Variants in CDH12 observed in about 807,000 individuals in gnomAD.
The protein encoded by CDH12 is cadherin-12.
A neutral mutation model predicts 74.1 loss-of-function variants in CDH12; 41 were observed. The observed-to-expected ratio is 0.55, with a 90% CI of 0.43 to 0.72. CDH12 has a LOEUF of 0.72. CDH12 is among the 30% of genes least tolerant of loss of function. CDH12 has a pLI of 0.00. For synonymous variants in CDH12, 399 were observed against 355.0 expected, an observed-to-expected ratio of 1.12 and a Z score of -1.39; for missense variants, 945 against 977.2, an observed-to-expected ratio of 0.97 and a Z score of 0.44.
chr5:22,223,789 C>T (rs1020434774), intron 3 of CDH12, among the ~76,000 whole-genome samples: 6 of 151,788 alleles, frequency 4.0e-5, no homozygotes, highest in African/African-American at 7.3e-5. Context: ...AAAGCTGGGC[C>T]GCGAGACAGT....
intron 1 of CDH12, among the ~76,000 whole-genome samples, chr5:22,643,760 T>TTTTTTTTTTTA (rs778124022): frequency 8.6e-6 from 1 of 116,952 alleles, no homozygotes; most frequent in African/African-American, 3.9e-5. Flanking sequence ...TTTTTTTTTT[T>TTTTTTTTTTTA]CCACAAATTG....
At chr5:22,516,962 A>G (rs1477462947) in intron 1 of CDH12, among the ~76,000 whole-genome samples, 3 of 152,184 alleles carry the variant, frequency 2.0e-5, no homozygotes, top group African/African-American at 7.2e-5. Flanking sequence ...TGCGAAAAAC[A>G]ATGCAATACA....
At chr5:22,408,170 A>T (rs1743017671) in intron 2 of CDH12, among the ~76,000 whole-genome samples, 1 of 147,862 alleles carries the variant, frequency 6.8e-6, no homozygotes, top group Non-Finnish European at 1.5e-5. Context: ...ACCTATAGCA[A>T]AATGATGTGT....
At chr5:22,407,267 G>A (rs965877781) in intron 2 of CDH12, among the ~76,000 whole-genome samples, 3 of 151,952 alleles carry the variant, frequency 2.0e-5, no homozygotes, top group Non-Finnish European at 1.5e-5. Context: ...TTAATGAGAG[G>A]CACTACTATA....
chr5:22,408,132 C>A (rs1743015454), intron 2 of CDH12, among the ~76,000 whole-genome samples: 1 of 151,994 alleles, frequency 6.6e-6, no homozygotes, highest in Non-Finnish European at 1.5e-5. Context: ...GGTGGACTAT[C>A]TTTAACAATG....
intron 4 of CDH12, among the ~76,000 whole-genome samples, chr5:22,144,819 T>A (rs1363311173): frequency 2.0e-5 from 3 of 152,164 alleles, no homozygotes; most frequent in Non-Finnish European, 2.9e-5. Flanking sequence ...ATGTATTGAA[T>A]ATTAATTTAA....
At chr5:22,738,063 C>A (rs2127013391) in intron 1 of CDH12, among the ~76,000 whole-genome samples, 1 of 151,852 alleles carries the variant, frequency 6.6e-6, no homozygotes, top group East Asian at 1.9e-4. Flanking sequence ...TGGGTGAGGC[C>A]AAGTGAGAGC....
chr5:21,972,479 A>AG (rs1356118182), intron 6 of CDH12, among the ~76,000 whole-genome samples: 2 of 152,184 alleles, frequency 1.3e-5, no homozygotes, highest in Admixed American at 6.5e-5. Flanking sequence ...ATTATATGAG[A>AG]GAAAAAAAAG....
At chr5:22,009,952 A>AAAAAAAAG (rs1445026203) in intron 5 of CDH12, among the ~76,000 whole-genome samples, 1 of 151,084 alleles carries the variant, frequency 6.6e-6, no homozygotes, top group African/African-American at 2.4e-5. Flanking sequence ...AAAAAAAAAA[A>AAAAAAAAG]AAAAAAAGAA....
intron 11 of CDH12, among the ~76,000 whole-genome samples, chr5:21,765,908 A>C (rs767499285): frequency 5.9e-5 from 9 of 152,040 alleles, no homozygotes; most frequent in Non-Finnish European, 1.3e-4. Context: ...TTACCTTATG[A>C]AGTGTTGCAG....
chr5:22,747,569 C>T (rs1215385160), intron 1 of CDH12, among the ~76,000 whole-genome samples: 1 of 133,744 alleles, frequency 7.5e-6, no homozygotes, highest in African/African-American at 2.9e-5. Flanking sequence ...CTAGATTGCG[C>T]TACTACCCTC....
chr5:22,452,119 AATTAAT>A (rs1430391078), intron 2 of CDH12, among the ~76,000 whole-genome samples: 3 of 152,016 alleles, frequency 2.0e-5, no homozygotes, highest in Non-Finnish European at 2.9e-5. Flanking sequence ...AAACTGGAAG[AATTAAT>A]ATTGTTAAAA....
At chr5:22,483,763 TAA>T (rs1554044173) in intron 2 of CDH12, among the ~76,000 whole-genome samples, 1 of 91,838 alleles carries the variant, frequency 1.1e-5, no homozygotes, top group African/African-American at 4.4e-5. Context: ...TATATATATA[TAA>T]ATTTAATTAA....
chr5:22,102,885 C>T (rs571346483), intron 4 of CDH12, among the ~76,000 whole-genome samples: 15 of 152,162 alleles, frequency 9.9e-5, no homozygotes, highest in African/African-American at 3.6e-4. Flanking sequence ...CAAGAAGATC[C>T]TCATCAGATG....
rs1744046387 is a variant in CDH12, at chr5:21,751,482, AAAC to A, written c.*252_*254del. Reference sequence around the variant, plus strand: ...GTCTCAGTGTGATTGTGAAAAAACAAAACAACAAAACAAAGCAAGTACACATTA... The same window carrying A: ...GTCTCAGTGTGATTGTGAAAAAACAAAACAAAACAAAGCAAGTACACATTA... On this transcript the variant is annotated 3_prime_UTR_variant, in exon 15 of 15. Transcript: ENST00000382254. 7.3e-6 allele frequency: 3 copies of A among 411,214 alleles called. No individual in the cohort carries two copies. The South Asian group carries it at 1.1e-4, about 15-fold the overall frequency. The allele number at this position is 411,214 out of a possible 1,614,324, so 25.5% of individuals were successfully genotyped here.
At chr5:21,863,575 A>C (rs115332316) in intron 6 of CDH12, among the ~76,000 whole-genome samples, 1,674 of 152,296 alleles carry the variant, frequency 0.011, 30 homozygotes, top group African/African-American at 0.038. Flanking sequence ...TTTTACACAG[A>C]AAAGACAGAA....
chr5:22,334,182 C>A (rs936762952), intron 3 of CDH12, among the ~76,000 whole-genome samples: 1 of 151,836 alleles, frequency 6.6e-6, no homozygotes, highest in Admixed American at 6.6e-5. Flanking sequence ...AGGAAGAAGT[C>A]AAATTATCTG....
chr5:21,850,891 A>G (rs1241796308), intron 7 of CDH12, among the ~76,000 whole-genome samples: 2 of 151,418 alleles, frequency 1.3e-5, no homozygotes, highest in Non-Finnish European at 3.0e-5. Context: ...AAACATTTAT[A>G]AAGGACGTAT....
chr5:22,455,791 A>T (rs1745240378), intron 2 of CDH12, among the ~76,000 whole-genome samples: 1 of 152,178 alleles, frequency 6.6e-6, no homozygotes, highest in African/African-American at 2.4e-5. Context: ...CTTTAAAAGG[A>T]GCATCTACAG....
Sources: allele counts gnomAD v4.1 joint callset (sites outside exome capture counted in the v4.1 genomes callset), GRCh38; gene constraint gnomAD v4.1.1; transcripts MANE v1.5; gene names NCBI Gene and HGNC (gene_info 2026-07-23, HGNC 2026-07-21).